Variants in EPG5 observed in about 807,000 individuals in gnomAD.
EPG5 encodes ectopic P granules protein 5 homolog.
In EPG5, 159 loss-of-function variants were observed where a neutral mutation model predicts 302.7. The ratio of observed to expected loss-of-function variants is 0.53; its 90% CI spans 0.46 to 0.60. The LOEUF is 0.60. EPG5 is among the 20% of genes least tolerant of loss of function. The pLI, the probability that EPG5 is intolerant of heterozygous loss-of-function variation, is 0.00. For missense variants in EPG5, 2,896 were observed against 3,092.4 expected, an observed-to-expected ratio of 0.94 and a Z score of 1.51; for synonymous variants, 1,158 against 1,136.8, an observed-to-expected ratio of 1.02 and a Z score of -0.37.
At chr18:45,881,156 A>G (rs529646733) in intron 31 of EPG5, among the ~76,000 whole-genome samples, 113 of 152,346 alleles carry the variant, frequency 7.4e-4, no homozygotes, top group African/African-American at 2.6e-3. Flanking sequence ...GAGAGGTATC[A>G]TATTGTTATT....
chr18:45,950,249 T>C (rs2050876333), intron 4 of EPG5, among the ~76,000 whole-genome samples: 1 of 152,204 alleles, frequency 6.6e-6, no homozygotes, highest in African/African-American at 2.4e-5. Context: ...TAATAAGATA[T>C]CTTGGTGATA....
rs760272470 is a variant in EPG5 at position 45,954,999 on chromosome 18, G to A, written c.403C>T (p.Pro135Ser). The A allele has an allele frequency of 1.1e-5, 18 of 1,614,046 alleles. No individual in the cohort carries two copies. The highest frequency in any genetic ancestry group is 1.5e-5 in the Non-Finnish European group (18 of 1,180,010). Residue 135 changes from proline (P) to serine (S), a missense_variant, in exon 2 of 44, where the codon CCC (proline) becomes TCC (serine). By Grantham distance (74) the Pro-to-Ser change is moderately conservative. This residue lies in a region of EPG5 where 1,390 missense variants were observed against 1,430.0 expected (regional missense o/e 0.97). Coordinates refer to ENST00000282041, the MANE Select transcript of EPG5 (RefSeq NM_020964.3). ...TCCTCTACCTCTGTGAAGTTCTTGGGGGTTTCTACTTTAGTTCCAACATTG... is the reference window on the plus strand; with the variant it reads ...TCCTCTACCTCTGTGAAGTTCTTGGAGGTTTCTACTTTAGTTCCAACATTG... ...GDNVGTKVET[P>S]KNFTEVEENM...
At chr18:45,826,061 C>G in the EPG5 span, among the ~76,000 whole-genome samples, 1 of 152,162 alleles carries the variant, frequency 6.6e-6, no homozygotes, top group African/African-American at 2.4e-5. Context: ...CTGCGAGCAT[C>G]CAGAGGACAA....
chr18:45,904,087 G>A lies in EPG5; in HGVS notation c.4360C>T (p.Arg1454Cys), dbSNP rs550924483. The A allele has an allele frequency of 2.9e-5, 46 of 1,612,268 alleles. No homozygotes were observed. The highest frequency in any genetic ancestry group is 1.5e-4 in the South Asian group (14 of 90,752). The stretch of plus-strand genomic sequence containing the variant: ...GTCTCCTGAAACTCATGATAGATGC[G>A]CTCCATGTTCAAATACTCCATCCAC... ...DLWMEYLNME[R>C]IYHEFQETVG... is the part of the protein sequence containing the mutation. The change falls in exon 25 of 44, where the codon CGC becomes TGC. Residue 1454 changes from arginine (R) to cysteine (C), a missense_variant. Physicochemically the swap from Arg to Cys is radical, Grantham distance 180. This residue lies in a region of EPG5 where 790 missense variants were observed against 798.0 expected (regional missense o/e 0.99). Coordinates refer to ENST00000282041, the MANE Select transcript of EPG5 (RefSeq NM_020964.3).
Position 45,857,983 on chromosome 18 carries a change from C to T in EPG5, c.7312G>A (p.Val2438Ile), listed in dbSNP as rs868233133. The T allele has an allele frequency of 2.5e-5, 40 of 1,613,640 alleles. No homozygotes were observed. Among genetic ancestry groups the T allele is most frequent in the African/African-American group, 4.0e-5 (3 of 74,928 alleles). ...SLIQTEQNDSVLTESVIRILL... is the reference protein window; with the variant it reads ...SLIQTEQNDSILTESVIRILL... The stretch of plus-strand genomic sequence containing the variant: ...ATTCGAATGACAGATTCTGTCAGGA[C>T]GGAGTCATTCTGCTCTGTCTGAATG... The change falls in exon 42 of 44, where the codon GTC becomes ATC. Residue 2438 changes from valine to isoleucine, a missense_variant. Transcript: ENST00000282041.
intron 16 of EPG5, among the ~76,000 whole-genome samples, chr18:45,918,702 A>G (rs972123070): frequency 6.6e-6 from 1 of 152,254 alleles, no homozygotes; most frequent in African/African-American, 2.4e-5. Context: ...TCATTTTAAA[A>G]TAATACACAT....
chr18:45,904,820 A>G (rs2145617124), intron 24 of EPG5, among the ~76,000 whole-genome samples: 1 of 152,300 alleles, frequency 6.6e-6, no homozygotes, highest in East Asian at 1.9e-4. Flanking sequence ...ATTATTTCTA[A>G]TATGTTTAGG....
At chr18:45,887,703 C>G in intron 29 of EPG5, 48 bp downstream of exon 29, 1 of 1,414,750 alleles carries the variant, frequency 7.1e-7, no homozygotes, top group East Asian at 2.5e-5. Context: ...AGACAGACAC[C>G]GCAGAGACTC....
At position 45,865,765 on chromosome 18, in the gene EPG5, C is replaced by CAAAAAAAAAA. The variant is rs11333207; in HGVS notation, c.6622-16_6622-7dup. ...TGGCATTTTGGAACTGCATCCTGAC[C>CAAAAAAAAAA]AAAAAAAAAAAAAAAAATCATTCAA... On this transcript the variant is annotated splice_region_variant and splice_polypyrimidine_tract_variant and intron_variant, in intron 38 of 43. Coordinates refer to ENST00000282041, the MANE Select transcript of EPG5 (RefSeq NM_020964.3). The CAAAAAAAAAA allele has an allele frequency of 1.3e-4, 189 of 1,411,326 alleles. 1 individual carries two copies. The African/African-American group carries it at 1.6e-3, about 12-fold the overall frequency. The allele number at this position is 1,411,326 out of a possible 1,614,324, so 87.4% of individuals were successfully genotyped here. A position where few individuals can be genotyped will look rare whatever the true frequency, so the allele number is the denominator to read the frequency against.
At position 45,948,516 on chromosome 18, in the gene EPG5, T is replaced by C; in HGVS notation, c.1558A>G (p.Met520Val). ...FHFMQSLALL[M>V]SPVKNRAEFM... is the part of the protein sequence containing the mutation. Reference sequence around the variant, plus strand: ...TTGCACACTTACTTGACAGGAGACATCAGCAGGGCAAGGGATTGCATAAAA... The same window carrying C: ...TTGCACACTTACTTGACAGGAGACACCAGCAGGGCAAGGGATTGCATAAAA... Residue 520 changes from methionine to valine, a missense_variant, in exon 6 of 44, where the codon ATG (methionine) becomes GTG (valine). This residue lies in a region of EPG5 where 1,390 missense variants were observed against 1,430.0 expected (regional missense o/e 0.97). Transcript: ENST00000282041. The C allele has an allele frequency of 6.2e-7, 1 of 1,613,484 alleles. No individual in the cohort carries two copies. The highest frequency in any genetic ancestry group is 8.5e-7 in the Non-Finnish European group (1 of 1,179,500).
chr18:45,856,448 T>C (rs1235115317), intron 42 of EPG5, among the ~76,000 whole-genome samples: 1 of 152,222 alleles, frequency 6.6e-6, no homozygotes, highest in Non-Finnish European at 1.5e-5. Context: ...TTTGGAGTGA[T>C]GAAAATGTTC....
At chr18:45,893,108 A>G (rs2049386878) in intron 27 of EPG5, among the ~76,000 whole-genome samples, 1 of 152,202 alleles carries the variant, frequency 6.6e-6, no homozygotes, top group African/African-American at 2.4e-5. Flanking sequence ...GAAACAGCTG[A>G]AGCAAAACGA....
intron 17 of EPG5, among the ~76,000 whole-genome samples, chr18:45,917,437 A>G (rs904501980): frequency 5.9e-5 from 9 of 152,244 alleles, no homozygotes; most frequent in African/African-American, 2.2e-4. Flanking sequence ...AGCTTTAATA[A>G]GCAATTCAAA....
chr18:45,838,682 T>A, the EPG5 span: 1 of 1,517,138 alleles, frequency 6.6e-7, no homozygotes, highest in Admixed American at 1.9e-5. Flanking sequence ...AGGGGAGGGG[T>A]GCCCTTGTGA....
chr18:45,840,363 A>T, the EPG5 span: 1 of 1,147,674 alleles, frequency 8.7e-7, no homozygotes, highest in Non-Finnish European at 1.2e-6. Flanking sequence ...TACTTTGACC[A>T]GGGGCTGGGC....
chr18:45,879,312 CTT>C (rs1011447704), intron 32 of EPG5, 98 bp from the exon 33 acceptor site: 2 of 814,052 alleles, frequency 2.5e-6, no homozygotes, highest in Non-Finnish European at 3.9e-6. Flanking sequence ...AGGTCTTTGA[CTT>C]TATAAGAGAG....
chr18:45,954,372 C>T, intron 2 of EPG5, 22 bp downstream of exon 2: 1 of 1,562,590 alleles, frequency 6.4e-7, no homozygotes, highest in Non-Finnish European at 8.6e-7. Context: ...CTGCAAATTC[C>T]CCAGGCTTCT....
At chr18:45,833,632 G>A in the EPG5 span, among the ~76,000 whole-genome samples, 1 of 152,166 alleles carries the variant, frequency 6.6e-6, no homozygotes, top group Admixed American at 6.5e-5. Flanking sequence ...TTTTAAATGA[G>A]ATGAGGATAT....
chr18:45,931,663 C>T (rs1305566778), intron 11 of EPG5, among the ~76,000 whole-genome samples: 4 of 151,980 alleles, frequency 2.6e-5, no homozygotes, highest in African/African-American at 7.3e-5. Flanking sequence ...GGTGAAGCCT[C>T]GTCTCTACTA....
Sources: gnomAD v4.1 joint callset for allele counts (sites outside exome capture counted in the v4.1 genomes callset) on GRCh38, gnomAD v4.1.1 for gene constraint, gnomAD v4.1.1 regional missense constraint, MANE v1.5 for transcripts, NCBI Gene and HGNC (gene_info 2026-07-23, HGNC 2026-07-21) for gene names.